CTTNBP2: variants seen among roughly 807,000 people sequenced by gnomAD.
CTTNBP2 encodes the protein cortactin-binding protein 2.
In CTTNBP2, 108 loss-of-function variants were observed where a neutral mutation model predicts 156.9. That is an observed-to-expected ratio of 0.69 (90% CI 0.59 to 0.81). The LOEUF (loss-of-function observed/expected upper bound fraction) is 0.81. Among genes scored for constraint, CTTNBP2 ranks in the 30% least tolerant of loss-of-function variants. The pLI, the probability that CTTNBP2 is intolerant of heterozygous loss-of-function variation, is 0.00. For synonymous variants in CTTNBP2, 767 were observed against 751.8 expected, an observed-to-expected ratio of 1.02 and a Z score of -0.33; for missense variants, 1,924 against 2,035.4, an observed-to-expected ratio of 0.95 and a Z score of 1.05.
At chr7:117,748,782 TG>T (rs1796473944) in intron 12 of CTTNBP2, among the ~76,000 whole-genome samples, 1 of 152,218 alleles carries the variant, frequency 6.6e-6, no homozygotes, top group Non-Finnish European at 1.5e-5. Flanking sequence ...TCCTAGTTGC[TG>T]TGGTCAAAAT....
At chr7:117,719,745 T>TTAA in intron 20 of CTTNBP2, 109 bp from the exon 21 acceptor site, 1 of 785,886 alleles carries the variant, frequency 1.3e-6, no homozygotes, top group Non-Finnish European at 2.0e-6. Context: ...GAAAATGTTT[T>TTAA]TAATAGCCTT....
chr7:117,791,816 G>C lies in CTTNBP2; in HGVS notation c.1380C>G (p.Asp460Glu). Residue 460 changes from aspartate to glutamate, a missense_variant, in exon 4 of 23, where the codon GAC (aspartate) becomes GAG (glutamate). Asp to Glu is a conservative substitution (Grantham distance 45). Coordinates refer to ENST00000160373, the MANE Select transcript of CTTNBP2 (RefSeq NM_033427.3). ...GACTTTGGGTAGTATTTCCATTTTG[G>C]TCTGGGTCGTTAGCATTGCCCTGAA... ...FRFQGNANDP[D>E]QNGNTTQSPP... 1 of 1,614,152 alleles carries C rather than the reference G, an allele frequency of 6.2e-7. No individual in the cohort carries two copies. The highest frequency in any genetic ancestry group is 1.1e-5 in the South Asian group (1 of 91,086).
chr7:117,711,422 T>A lies in CTTNBP2; in HGVS notation c.*115A>T. On this transcript the variant is annotated 3_prime_UTR_variant, in exon 23 of 23. Coordinates refer to ENST00000160373, the MANE Select transcript of CTTNBP2 (RefSeq NM_033427.3). Reference sequence around the variant, plus strand: ...AAAAAATTGAATAGTGGTCCCGCACTCATAATTTATATTACAGTGAAAACA... The same window carrying A: ...AAAAAATTGAATAGTGGTCCCGCACACATAATTTATATTACAGTGAAAACA... 2 of 1,214,676 alleles carry A rather than the reference T, an allele frequency of 1.6e-6. No homozygotes were observed. The highest frequency in any genetic ancestry group is 2.3e-6 in the Non-Finnish European group (2 of 872,502). The allele number at this position is 1,214,676 out of a possible 1,614,324, so 75.2% of individuals were successfully genotyped here. A position where few individuals can be genotyped will look rare whatever the true frequency, so the allele number is the denominator to read the frequency against.
At position 117,861,281 on chromosome 7, in the gene CTTNBP2, G is replaced by C. The variant is rs752268273; in HGVS notation, c.117C>G (p.Ser39=). ...KEFDVDTLSK[S]ELRMLLSVME... ...TCACGCTGAGGAGCATCCGCAGCTC[G>C]GATTTACTGAGAGTATCCACATCAA... Residue 39 remains serine (S), a synonymous_variant, in exon 2 of 23, where the codon TCC becomes TCG. Transcript: ENST00000160373. The C allele has an allele frequency of 1.2e-5, 19 of 1,613,330 alleles. No homozygotes were observed. In the Admixed American group the frequency reaches 3.2e-4, roughly 27 times the overall value.
intron 2 of CTTNBP2, among the ~76,000 whole-genome samples, chr7:117,859,879 G>A (rs1803595876): frequency 6.6e-6 from 1 of 152,130 alleles, no homozygotes; most frequent in South Asian, 2.1e-4. Flanking sequence ...CATCTGCTAT[G>A]CCAACTTCTG....
At chr7:117,869,991 CCTT>C (rs1311536583) in intron 1 of CTTNBP2, among the ~76,000 whole-genome samples, 2 of 152,200 alleles carry the variant, frequency 1.3e-5, no homozygotes, top group African/African-American at 4.8e-5. Context: ...TTTGCACACT[CCTT>C]CTTGCAGTGC....
chr7:117,826,785 TTC>T (rs1461882755), intron 2 of CTTNBP2, among the ~76,000 whole-genome samples: 8 of 150,492 alleles, frequency 5.3e-5, no homozygotes, highest in Non-Finnish European at 1.0e-4. Flanking sequence ...TAAGAAAATA[TTC>T]TTTCAATAAT....
chr7:117,864,671 C>CATACATCTAGATGTATGAATATATATTG (rs1803996700), intron 1 of CTTNBP2, among the ~76,000 whole-genome samples: 1 of 99,306 alleles, frequency 1.0e-5, no homozygotes, highest in Non-Finnish European at 2.4e-5. Flanking sequence ...AATATATATT[C>CATACATCTAGATGTATGAATATATATTG]ATATATTTAT....
chr7:117,729,637 G>T (rs1795293771), intron 16 of CTTNBP2, among the ~76,000 whole-genome samples: 1 of 152,078 alleles, frequency 6.6e-6, no homozygotes, highest in Non-Finnish European at 1.5e-5. Flanking sequence ...ATGGAGTGGA[G>T]AAAGCCACCC....
chr7:117,763,961 G>C (rs1230665733), intron 9 of CTTNBP2, among the ~76,000 whole-genome samples: 1 of 151,900 alleles, frequency 6.6e-6, no homozygotes, highest in Non-Finnish European at 1.5e-5. Context: ...CTAAAAATGG[G>C]GGTTTCTCTG....
chr7:117,711,405 G>T lies in CTTNBP2; in HGVS notation c.*132C>A. 1 of 941,312 alleles carries T rather than the reference G, an allele frequency of 1.1e-6. No homozygotes were observed. The highest frequency in any genetic ancestry group is 1.5e-6 in the Non-Finnish European group (1 of 668,430). The allele number at this position is 941,312 out of a possible 1,614,324, so 58.3% of individuals were successfully genotyped here. A position where few individuals can be genotyped will look rare whatever the true frequency, so the allele number is the denominator to read the frequency against. Reference sequence around the variant, plus strand: ...AATACATTCTTTACAAAAAAAAATTGAATAGTGGTCCCGCACTCATAATTT... The same window carrying T: ...AATACATTCTTTACAAAAAAAAATTTAATAGTGGTCCCGCACTCATAATTT... On this transcript the variant is annotated 3_prime_UTR_variant, in exon 23 of 23. Transcript: ENST00000160373.
Position 117,812,043 on chromosome 7 carries a change from C to G in CTTNBP2, c.190-1054G>C, listed in dbSNP as rs537499700. Among the ~76,000 whole-genome samples the G allele has an allele frequency of 2.0e-5, 3 of 152,098 alleles. No individual in the cohort carries two copies. In the East Asian group the frequency reaches 5.8e-4, roughly 29 times the overall value. On this transcript the variant is annotated intron_variant, in intron 2 of 22. Coordinates refer to ENST00000160373, the MANE Select transcript of CTTNBP2 (RefSeq NM_033427.3). ...AACTTTAAAAGGCATCTATCTCTTT[C>G]TCACTGAAGGGCATTAAAATATAGT...
At position 117,711,576 on chromosome 7, in the gene CTTNBP2, G is replaced by GTTCCAATTCACTTCTTTTGAGTTGT; in HGVS notation, c.4928_4952dup (p.Asn1651LysfsTer14). Reference sequence around the variant, plus strand: ...TTTCTAGGTGTTCATTTTTGTGTAAGTTCCAATTCACTTCTTTTGAGTTGT... The same window carrying GTTCCAATTCACTTCTTTTGAGTTGT: ...TTTCTAGGTGTTCATTTTTGTGTAAGTTCCAATTCACTTCTTTTGAGTTGTTTCCAATTCACTTCTTTTGAGTTGT... On this transcript the variant is annotated frameshift_variant, in exon 23 of 23. Transcript: ENST00000160373. LOFTEE classifies it high-confidence loss of function. 1 of 1,613,746 alleles carries GTTCCAATTCACTTCTTTTGAGTTGT rather than the reference G, an allele frequency of 6.2e-7. No individual in the cohort carries two copies. The highest frequency in any genetic ancestry group is 8.5e-7 in the Non-Finnish European group (1 of 1,179,840).
intron 2 of CTTNBP2, among the ~76,000 whole-genome samples, chr7:117,847,283 C>T (rs962467530): frequency 6.6e-6 from 1 of 152,174 alleles, no homozygotes; most frequent in Non-Finnish European, 1.5e-5. Context: ...CGCCTGTAAT[C>T]CCAGCACTTT....
intron 4 of CTTNBP2, among the ~76,000 whole-genome samples, chr7:117,788,176 T>C (rs1798803773): frequency 6.6e-6 from 1 of 152,158 alleles, no homozygotes; most frequent in Non-Finnish European, 1.5e-5. Flanking sequence ...GATTTTGCCA[T>C]TTTGCCCCGG....
chr7:117,792,183 G>GAA lies in CTTNBP2; in HGVS notation c.1011_1012dup (p.Ser338PhefsTer29), dbSNP rs745667803. 6.2e-7 allele frequency: 1 copy of GAA among 1,614,222 alleles called. No homozygotes were observed. Among genetic ancestry groups the GAA allele is most frequent in the Non-Finnish European group, 8.5e-7 (1 of 1,180,050 alleles). On this transcript the variant is annotated frameshift_variant, in exon 4 of 23. Coordinates refer to ENST00000160373, the MANE Select transcript of CTTNBP2 (RefSeq NM_033427.3). LOFTEE classifies it high-confidence loss of function. This position sits in a 1 kb window ranked among gnomAD's most constrained non-coding sequence, Gnocchi z 4.2. The stretch of plus-strand genomic sequence containing the variant: ...GCACACGCTCCCTTTTGCATTTGCA[G>GAA]AAACTAGGGGACTCCCTGTGGAAGG...
chr7:117,800,570 C>A (rs995999374), intron 3 of CTTNBP2, among the ~76,000 whole-genome samples: 1 of 152,094 alleles, frequency 6.6e-6, no homozygotes, highest in East Asian at 1.9e-4. Context: ...CCTTATACAG[C>A]GGTATGAGTA....
At chr7:117,742,282 A>C (rs1359340965) in intron 14 of CTTNBP2, among the ~76,000 whole-genome samples, 2 of 152,090 alleles carry the variant, frequency 1.3e-5, no homozygotes, top group African/African-American at 4.8e-5. Context: ...TTACATGTTT[A>C]CTCCTTAATT....
intron 2 of CTTNBP2, among the ~76,000 whole-genome samples, chr7:117,834,864 C>T (rs373788827): frequency 6.6e-6 from 1 of 152,088 alleles, no homozygotes; most frequent in Non-Finnish European, 1.5e-5. Flanking sequence ...TAGTCCACAC[C>T]GAAGGTGCTA....
Sources: allele counts gnomAD v4.1 joint callset (sites outside exome capture counted in the v4.1 genomes callset), GRCh38; gene constraint gnomAD v4.1.1; non-coding constraint Gnocchi (gnomAD v3.1); transcripts MANE v1.5; gene names NCBI Gene and HGNC (gene_info 2026-07-23, HGNC 2026-07-21).